UVRAG: variants seen among roughly 807,000 people sequenced by gnomAD.
UVRAG encodes UV radiation resistance-associated gene protein.
A neutral mutation model predicts 78.0 loss-of-function variants in UVRAG; 19 were observed. That is an observed-to-expected ratio of 0.24 (90% CI 0.17 to 0.36). The LOEUF (loss-of-function observed/expected upper bound fraction) is 0.36, where lower values mean the gene tolerates loss of function less well. Among genes scored for constraint, UVRAG ranks in the 10% least tolerant of loss-of-function variants. The pLI, the probability that UVRAG is intolerant of heterozygous loss-of-function variation, is 1.00. For synonymous variants in UVRAG, 323 were observed against 324.6 expected, an observed-to-expected ratio of 1.00 and a Z score of 0.05; for missense variants, 740 against 853.8, an observed-to-expected ratio of 0.87 and a Z score of 1.66.
chr11:76,053,399 C>T (rs1398282204), intron 12 of UVRAG, among the ~76,000 whole-genome samples: 1 of 151,996 alleles, frequency 6.6e-6, no homozygotes, highest in East Asian at 1.9e-4. Context: ...TTCACAGATA[C>T]CGCCATCTGC....
intron 11 of UVRAG, among the ~76,000 whole-genome samples, chr11:76,011,657 A>C (rs1281422091): frequency 6.6e-6 from 1 of 152,154 alleles, no homozygotes; most frequent in Non-Finnish European, 1.5e-5. Flanking sequence ...TCTTATGTTA[A>C]TATCCTGCAG....
At chr11:76,003,901 CTTT>C in intron 8 of UVRAG, 101 bp from the exon 9 acceptor site, 1 of 1,086,186 alleles carries the variant, frequency 9.2e-7, no homozygotes. Flanking sequence ...TTCCCTAACT[CTTT>C]TTATTTCCCT....
At chr11:75,988,934 A>C (rs1949552317) in intron 8 of UVRAG, among the ~76,000 whole-genome samples, 1 of 152,186 alleles carries the variant, frequency 6.6e-6, no homozygotes, top group Non-Finnish European at 1.5e-5. Flanking sequence ...TGGTAACGTT[A>C]TTATTAAGTT....
intron 1 of UVRAG, chr11:75,838,813 A>G (rs1408796531): frequency 6.6e-6 from 1 of 152,204 alleles, no homozygotes; most frequent in Non-Finnish European, 1.5e-5. Context: ...ATACCATGAT[A>G]CCATACCTCT....
At chr11:76,066,213 G>A (rs906951747) in intron 13 of UVRAG, among the ~76,000 whole-genome samples, 4 of 151,988 alleles carry the variant, frequency 2.6e-5, no homozygotes, top group Non-Finnish European at 5.9e-5. Context: ...TATTATTCAG[G>A]GCCCGAAGGA....
chr11:76,041,143 G>C (rs1325048916), intron 12 of UVRAG, among the ~76,000 whole-genome samples: 3 of 152,126 alleles, frequency 2.0e-5, no homozygotes, highest in African/African-American at 7.2e-5. Context: ...TTATCAAAGG[G>C]TATTGTATCA....
At chr11:75,845,713 A>G (rs963911270) in intron 1 of UVRAG, among the ~76,000 whole-genome samples, 2 of 152,176 alleles carry the variant, frequency 1.3e-5, no homozygotes, top group African/African-American at 4.8e-5. Context: ...GGGGTGGAGC[A>G]TGGGAAGAGG....
chr11:75,928,872 G>A (rs1023276721), intron 6 of UVRAG, among the ~76,000 whole-genome samples: 1 of 133,130 alleles, frequency 7.5e-6, no homozygotes, highest in African/African-American at 2.8e-5. Context: ...AACCCGGGAA[G>A]CAGAGCTTGC....
At chr11:76,090,892 CAT>C (rs1442305148) in intron 13 of UVRAG, among the ~76,000 whole-genome samples, 6 of 152,200 alleles carry the variant, frequency 3.9e-5, no homozygotes, top group Non-Finnish European at 7.3e-5. Context: ...TGCAGTCTGT[CAT>C]ATTGTTTTCT....
intron 13 of UVRAG, among the ~76,000 whole-genome samples, chr11:76,098,902 G>A (rs1951831235): frequency 1.3e-5 from 2 of 152,014 alleles, no homozygotes; most frequent in South Asian, 2.1e-4. Context: ...TCTGTTGTTC[G>A]AAATTAAATA....
intron 11 of UVRAG, among the ~76,000 whole-genome samples, chr11:76,012,437 G>A (rs1950067275): frequency 1.3e-5 from 2 of 151,990 alleles, no homozygotes; most frequent in Admixed American, 6.6e-5. Context: ...TCTAAGATTC[G>A]TATAATTCTT....
rs548837440 is a variant in UVRAG at position 75,849,262 on chromosome 11, T to G, written c.118-2621T>G. Among the ~76,000 whole-genome samples the G allele has an allele frequency of 4.0e-5, 6 of 151,698 alleles. No homozygotes were observed. In the South Asian group the frequency reaches 1.0e-3, roughly 26 times the overall value. ...GGCTCACACCTGTAATCCCAGCACT[T>G]TGGGAGGCCAAGGCGGGCGGATCAC... On this transcript the variant is annotated intron_variant, in intron 1 of 14. Coordinates refer to ENST00000356136, the MANE Select transcript of UVRAG (RefSeq NM_003369.4).
intron 13 of UVRAG, among the ~76,000 whole-genome samples, chr11:76,104,058 C>T (rs569220825): frequency 7.8e-4 from 119 of 152,094 alleles, no homozygotes; most frequent in African/African-American, 2.2e-3. Flanking sequence ...TTAGACTGTG[C>T]GCTGCAGTGT....
At chr11:75,941,948 G>T (rs1313321895) in intron 6 of UVRAG, among the ~76,000 whole-genome samples, 1 of 152,008 alleles carries the variant, frequency 6.6e-6, no homozygotes, top group Non-Finnish European at 1.5e-5. Flanking sequence ...GATATGAAGG[G>T]TGCTAAAGCT....
chr11:75,932,444 C>G (rs941832242), intron 6 of UVRAG, among the ~76,000 whole-genome samples: 23 of 152,126 alleles, frequency 1.5e-4, no homozygotes, highest in African/African-American at 5.3e-4. Flanking sequence ...ATCACCATGC[C>G]CAGCTAATTT....
At position 76,115,372 on chromosome 11, in the gene UVRAG, A is replaced by G. The variant is rs1591254592; in HGVS notation, c.1306-552A>G. Among the ~76,000 whole-genome samples, 6 of 152,354 alleles carry G rather than the reference A, an allele frequency of 3.9e-5. No homozygotes were observed. The South Asian group carries it at 1.2e-3, about 32-fold the overall frequency. ...AGAAATACAGAGCACAGCCTCTGTC[A>G]AAAGTGAGTTGCAATGTATTTGTTT... On this transcript the variant is annotated intron_variant, in intron 13 of 14. Transcript: ENST00000356136.
intron 7 of UVRAG, among the ~76,000 whole-genome samples, chr11:75,973,716 A>C (rs1034041414): frequency 5.3e-5 from 8 of 151,956 alleles, no homozygotes; most frequent in Admixed American, 2.0e-4. Context: ...CATCCCCCCA[A>C]CCCACGACAG....
At chr11:75,877,666 C>T (rs1164566796) in intron 3 of UVRAG, among the ~76,000 whole-genome samples, 1 of 138,984 alleles carries the variant, frequency 7.2e-6, no homozygotes, top group Non-Finnish European at 1.6e-5. Flanking sequence ...GGGCTCCTCA[C>T]TTCCCAGTAG....
intron 1 of UVRAG, chr11:75,837,552 A>G (rs1945812956): frequency 6.6e-6 from 1 of 152,108 alleles, no homozygotes; most frequent in Non-Finnish European, 1.5e-5. Flanking sequence ...TTTTCAGGCT[A>G]GTCAAGTGAG....
Sources: gnomAD v4.1 joint callset for allele counts (sites outside exome capture counted in the v4.1 genomes callset) on GRCh38, gnomAD v4.1.1 for gene constraint, MANE v1.5 for transcripts, NCBI Gene and HGNC (gene_info 2026-07-23, HGNC 2026-07-21) for gene names.